The following TXNDC16 variants were observed in gnomAD, a reference collection of about 807,000 sequenced individuals.
TXNDC16 encodes the protein thioredoxin domain containing 16.
In TXNDC16, 74 loss-of-function variants were observed where a neutral mutation model predicts 85.6. The observed-to-expected ratio is 0.86, with a 90% CI of 0.72 to 1.05. The LOEUF (loss-of-function observed/expected upper bound fraction) is 1.05, where lower values mean the gene tolerates loss of function less well. Ranked by LOEUF, TXNDC16 falls within the 50% of genes least tolerant of loss-of-function variation. The pLI, the probability that TXNDC16 is intolerant of heterozygous loss-of-function variation, is 0.00. For synonymous variants in TXNDC16, 335 were observed against 326.5 expected (o/e 1.03, Z -0.28); for missense variants, 959 against 947.0 (o/e 1.01, Z -0.17).
chr14:52,489,188 T>C (rs966578865), intron 11 of TXNDC16, among the ~76,000 whole-genome samples: 7 of 152,126 alleles, frequency 4.6e-5, no homozygotes, highest in South Asian at 2.1e-4. Flanking sequence ...AAAACAATAC[T>C]TCATCTAAAT....
At chr14:52,532,384 A>G (rs1172964710) in intron 6 of TXNDC16, among the ~76,000 whole-genome samples, 1 of 152,108 alleles carries the variant, frequency 6.6e-6, no homozygotes, top group African/African-American at 2.4e-5. Flanking sequence ...CTCAAAATAA[A>G]TCAAGTTTAA....
intron 4 of TXNDC16, among the ~76,000 whole-genome samples, chr14:52,539,893 A>G (rs1037002125): frequency 2.0e-5 from 3 of 152,158 alleles, no homozygotes; most frequent in African/African-American, 7.2e-5. Flanking sequence ...GCATTTCTAA[A>G]TATCATTGGT....
rs149371990 is a variant in TXNDC16 at position 52,433,697 on chromosome 14, G to A, written c.2195-1110C>T. ...TCATACTCAACTATATGAAATCCTG[G>A]TAATTGGTACATCAGCAGGGCAATA... On this transcript the variant is annotated intron_variant, in intron 20 of 20. Coordinates refer to ENST00000281741, the MANE Select transcript of TXNDC16 (RefSeq NM_020784.3). 3.9e-5 allele frequency among the ~76,000 whole-genome samples: 6 copies of A among 152,248 alleles called. No individual in the cohort carries two copies. In the East Asian group the frequency reaches 1.2e-3, roughly 29 times the overall value.
chr14:52,507,788 A>C (rs1446146628), intron 9 of TXNDC16, among the ~76,000 whole-genome samples: 1 of 152,242 alleles, frequency 6.6e-6, no homozygotes, highest in East Asian at 1.9e-4. Context: ...ATCTTTGACA[A>C]ATGTGACAAA....
chr14:52,498,876 A>G (rs1053063928), intron 9 of TXNDC16, among the ~76,000 whole-genome samples: 1 of 152,160 alleles, frequency 6.6e-6, no homozygotes, highest in Admixed American at 6.5e-5. Context: ...CAATCTTGAG[A>G]AAGAAGTACA....
chr14:52,534,335 G>A (rs925942913), intron 6 of TXNDC16, among the ~76,000 whole-genome samples: 2 of 152,162 alleles, frequency 1.3e-5, no homozygotes, highest in African/African-American at 2.4e-5. Flanking sequence ...TGGGCTGCAT[G>A]CAGCTCAGGA....
At chr14:52,450,577 C>T (rs2035384473) in intron 18 of TXNDC16, among the ~76,000 whole-genome samples, 1 of 151,784 alleles carries the variant, frequency 6.6e-6, no homozygotes. Flanking sequence ...TTCCACCTTA[C>T]TCCTGCAAGA....
At chr14:52,550,324 T>C (rs1319657189) in intron 1 of TXNDC16, among the ~76,000 whole-genome samples, 1 of 152,220 alleles carries the variant, frequency 6.6e-6, no homozygotes, top group Non-Finnish European at 1.5e-5. Flanking sequence ...TTAATGCTGC[T>C]ACTGGAGAAC....
intron 9 of TXNDC16, among the ~76,000 whole-genome samples, chr14:52,503,597 G>A (rs929403818): frequency 6.6e-6 from 1 of 151,910 alleles, no homozygotes; most frequent in Non-Finnish European, 1.5e-5. Flanking sequence ...AAAGACCAAA[G>A]GTAGATAAAA....
intron 16 of TXNDC16, among the ~76,000 whole-genome samples, chr14:52,465,536 G>A (rs778219774): frequency 6.0e-5 from 9 of 149,592 alleles, no homozygotes; most frequent in Non-Finnish European, 1.3e-4. Context: ...AGCTTGCAGT[G>A]AGCCGAGATC....
At chr14:52,519,046 T>A (rs7151107) in intron 7 of TXNDC16, 126 bp downstream of exon 7, 3 of 981,436 alleles carry the variant, frequency 3.1e-6, no homozygotes, top group Admixed American at 2.7e-5. Context: ...AATAGCTTAA[T>A]AGTAAAGATG....
At chr14:52,535,512 C>A (rs1295140847) in intron 6 of TXNDC16, among the ~76,000 whole-genome samples, 1 of 151,948 alleles carries the variant, frequency 6.6e-6, no homozygotes. Context: ...GAAGAGGAGA[C>A]CCAAGCAGAA....
intron 4 of TXNDC16, among the ~76,000 whole-genome samples, chr14:52,540,570 A>G (rs1189531649): frequency 2.0e-5 from 3 of 152,198 alleles, no homozygotes; most frequent in African/African-American, 7.2e-5. Context: ...GGTTGCAGTG[A>G]GCCAAGATGG....
chr14:52,442,130 G>T (rs1205443073), intron 18 of TXNDC16, among the ~76,000 whole-genome samples: 3 of 152,140 alleles, frequency 2.0e-5, no homozygotes, highest in Non-Finnish European at 4.4e-5. Context: ...ATTTGTCTAC[G>T]CTGTCAGTAA....
intron 6 of TXNDC16, among the ~76,000 whole-genome samples, chr14:52,534,469 C>T (rs2037654316): frequency 6.6e-6 from 1 of 152,098 alleles, no homozygotes. Context: ...CAAGACAATT[C>T]TTCTTCCGAT....
At chr14:52,543,354 TAA>T (rs2037873917) in intron 3 of TXNDC16, 42 bp downstream of exon 3, 1 of 1,570,870 alleles carries the variant, frequency 6.4e-7, no homozygotes, top group Non-Finnish European at 8.6e-7. Flanking sequence ...TAAATAGCAA[TAA>T]AAACATCACA....
intron 4 of TXNDC16, among the ~76,000 whole-genome samples, chr14:52,539,130 A>C (rs1473756064): frequency 6.6e-6 from 1 of 152,214 alleles, no homozygotes; most frequent in East Asian, 1.9e-4. Context: ...GAACAATGTA[A>C]GGTAGAGACA....
chr14:52,548,449 T>C (rs2037982670), intron 1 of TXNDC16, among the ~76,000 whole-genome samples: 1 of 152,168 alleles, frequency 6.6e-6, no homozygotes, highest in African/African-American at 2.4e-5. Flanking sequence ...GGGGTGTGAC[T>C]GGCCTTAGCA....
Position 52,492,171 on chromosome 14 carries a change from G to A in TXNDC16, c.757-1166C>T, listed in dbSNP as rs540438480. Among the ~76,000 whole-genome samples, 7 of 152,280 alleles carry A rather than the reference G, an allele frequency of 4.6e-5. No individual in the cohort carries two copies. In the South Asian group the frequency reaches 8.3e-4, roughly 18 times the overall value. ...CAGTTGACAGTGTGGACACCATGCC[G>A]AAATCAGGGGTATTAAGTAACCAAA... On this transcript the variant is annotated intron_variant, in intron 9 of 20. Coordinates refer to ENST00000281741, the MANE Select transcript of TXNDC16 (RefSeq NM_020784.3).
Sources: gnomAD v4.1 joint callset for allele counts (sites outside exome capture counted in the v4.1 genomes callset) on GRCh38, gnomAD v4.1.1 for gene constraint, MANE v1.5 for transcripts, NCBI Gene and HGNC (gene_info 2026-07-23, HGNC 2026-07-21) for gene names.